The following ANKRD12 variants were observed in gnomAD, a reference collection of about 807,000 sequenced individuals.
The protein encoded by ANKRD12 is ankyrin repeat domain-containing protein 12.
Under a neutral mutation model 183.4 loss-of-function variants are expected in ANKRD12, and 85 were observed. The observed-to-expected ratio is 0.46, with a 90% CI of 0.39 to 0.56. ANKRD12 has a LOEUF of 0.56. ANKRD12 is among the 20% of genes least tolerant of loss of function. ANKRD12 has a pLI of 0.00. For missense variants in ANKRD12, 2,405 were observed against 2,357.1 expected (o/e 1.02, Z -0.42); for synonymous variants, 914 against 800.2 (o/e 1.14, Z -2.40).
intron 1 of ANKRD12, among the ~76,000 whole-genome samples, chr18:9,176,459 T>G (rs2033275566): frequency 6.6e-6 from 1 of 151,966 alleles, no homozygotes; most frequent in Non-Finnish European, 1.5e-5. Flanking sequence ...GCCAGCTAAT[T>G]TTTTAATTTT....
intron 10 of ANKRD12, among the ~76,000 whole-genome samples, chr18:9,268,412 G>A (rs1287610527): frequency 6.6e-6 from 1 of 152,162 alleles, no homozygotes; most frequent in African/African-American, 2.4e-5. Flanking sequence ...ACATCAAGAA[G>A]CTTATCCACC....
At chr18:9,279,079 TGATAAAG>T (rs1465196278) in intron 11 of ANKRD12, among the ~76,000 whole-genome samples, 1 of 150,122 alleles carries the variant, frequency 6.7e-6, no homozygotes, top group Non-Finnish European at 1.5e-5. Flanking sequence ...TCTTAAGTGT[TGATAAAG>T]AATTTCTTCA....
chr18:9,201,791 A>AT (rs1276570541), intron 3 of ANKRD12, among the ~76,000 whole-genome samples: 2 of 150,220 alleles, frequency 1.3e-5, no homozygotes, highest in Non-Finnish European at 3.0e-5. Flanking sequence ...TCCTCTTAGC[A>AT]TTATTAGTAA....
At chr18:9,231,549 C>T (rs964788897) in intron 8 of ANKRD12, among the ~76,000 whole-genome samples, 8 of 151,500 alleles carry the variant, frequency 5.3e-5, no homozygotes, top group Admixed American at 3.9e-4. Flanking sequence ...TTATCCGTGC[C>T]GGGCGCGGTG....
intron 10 of ANKRD12, among the ~76,000 whole-genome samples, chr18:9,265,992 G>A (rs552251110): frequency 5.9e-5 from 9 of 152,330 alleles, no homozygotes; most frequent in African/African-American, 1.4e-4. Context: ...TTCAGTAGCC[G>A]ATTTGATCAG....
chr18:9,206,712 T>G (rs2035506198), intron 4 of ANKRD12, among the ~76,000 whole-genome samples: 1 of 152,118 alleles, frequency 6.6e-6, no homozygotes, highest in Non-Finnish European at 1.5e-5. Flanking sequence ...TGTTTCTTTC[T>G]TTCCAAAATA....
chr18:9,211,940 CCT>C (rs1363413571), intron 6 of ANKRD12, among the ~76,000 whole-genome samples, 156 bp downstream of exon 6: 1 of 151,938 alleles, frequency 6.6e-6, no homozygotes, highest in Non-Finnish European at 1.5e-5. Context: ...ACATAAAACC[CCT>C]GATTTCTACT....
chr18:9,171,656 A>G (rs2032739382), intron 1 of ANKRD12, among the ~76,000 whole-genome samples: 1 of 152,128 alleles, frequency 6.6e-6, no homozygotes, highest in African/African-American at 2.4e-5. Flanking sequence ...CTTGTTTGAA[A>G]AGAATCTTAT....
intron 1 of ANKRD12, among the ~76,000 whole-genome samples, chr18:9,169,022 G>A (rs1464261065): frequency 6.6e-6 from 1 of 152,076 alleles, no homozygotes; most frequent in African/African-American, 2.4e-5. Flanking sequence ...CCATGTAGCT[G>A]AGTGGTTTTG....
intron 4 of ANKRD12, among the ~76,000 whole-genome samples, chr18:9,207,340 A>T (rs2035544231): frequency 6.6e-6 from 1 of 152,124 alleles, no homozygotes; most frequent in African/African-American, 2.4e-5. Context: ...GTTGATTTAA[A>T]TAAGTCTTGA....
chr18:9,256,621 TAAAATA>T lies in ANKRD12; in HGVS notation c.3358_3363del (p.Ile1120_Lys1121del). The T allele has an allele frequency of 1.9e-6, 3 of 1,604,450 alleles. No individual in the cohort carries two copies. In the South Asian group the frequency reaches 3.4e-5, roughly 18 times the overall value. On this transcript the variant is annotated inframe_deletion, in exon 9 of 13. Transcript: ENST00000262126. The stretch of plus-strand genomic sequence containing the variant: ...TGAGAAACCGAAACTGTTTAGAACT[TAAAATA>T]AAAGATAAAGAAAAAACAAAGCATA...
chr18:9,277,977 A>C (rs1048755308), intron 11 of ANKRD12, among the ~76,000 whole-genome samples: 4 of 152,242 alleles, frequency 2.6e-5, no homozygotes, highest in Non-Finnish European at 5.9e-5. Flanking sequence ...AAGCTTGCTG[A>C]GATCCTTTTG....
At chr18:9,268,379 A>G (rs1312906034) in intron 10 of ANKRD12, among the ~76,000 whole-genome samples, 6 of 152,350 alleles carry the variant, frequency 3.9e-5, no homozygotes, top group Non-Finnish European at 8.8e-5. Context: ...TCAATAAAAT[A>G]CTGGCAAACC....
Position 9,256,799 on chromosome 18 carries a change from T to G in ANKRD12, c.3532T>G (p.Ser1178Ala), listed in dbSNP as rs1353650699. The change falls in exon 9 of 13, where the codon TCA becomes GCA. Residue 1178 changes from serine to alanine, a missense_variant. Ser to Ala is a moderately conservative substitution (Grantham distance 99). This residue lies in a region of ANKRD12 where 1,983 missense variants were observed against 1,725.9 expected (regional missense o/e 1.15). Transcript: ENST00000262126. ...DTKNVMTLGK[S>A]SFVSDNSLNR... ...CAAAAATGTAATGACTTTAGGGAAGTCATCTTTTGTTTCAGATAATAGCTT... is the reference window on the plus strand; with the variant it reads ...CAAAAATGTAATGACTTTAGGGAAGGCATCTTTTGTTTCAGATAATAGCTT... The G allele has an allele frequency of 5.6e-6, 9 of 1,613,966 alleles. No homozygotes were observed. Among genetic ancestry groups the G allele is most frequent in the Non-Finnish European group, 6.8e-6 (8 of 1,179,942 alleles).
At chr18:9,156,404 C>G (rs2030473521) in intron 1 of ANKRD12, among the ~76,000 whole-genome samples, 1 of 151,778 alleles carries the variant, frequency 6.6e-6, no homozygotes, top group South Asian at 2.1e-4. Flanking sequence ...AGTATTGATA[C>G]AAGAATGGAA....
intron 8 of ANKRD12, among the ~76,000 whole-genome samples, chr18:9,228,482 GTTA>G (rs1226766882): frequency 1.3e-5 from 2 of 152,104 alleles, no homozygotes; most frequent in Non-Finnish European, 2.9e-5. Context: ...GCCAGTAACT[GTTA>G]TTTTTTGTCT....
intron 1 of ANKRD12, among the ~76,000 whole-genome samples, chr18:9,157,563 G>A (rs12968579): frequency 5.6e-4 from 52 of 92,818 alleles, no homozygotes; most frequent in South Asian, 8.3e-4. Flanking sequence ...GTGTGTGTGT[G>A]TGTGTGTGTG....
intron 8 of ANKRD12, among the ~76,000 whole-genome samples, chr18:9,241,815 G>A (rs1598662219): frequency 6.6e-6 from 1 of 151,128 alleles, no homozygotes; most frequent in East Asian, 1.9e-4. Context: ...TCTGTCTTAA[G>A]CAAACAGAAC....
intron 2 of ANKRD12, among the ~76,000 whole-genome samples, chr18:9,185,068 C>G (rs2033954509): frequency 6.6e-6 from 1 of 152,038 alleles, no homozygotes; most frequent in African/African-American, 2.4e-5. Context: ...CGTATTTGAC[C>G]AGAAGGAAAG....
Sources: allele counts gnomAD v4.1 joint callset (sites outside exome capture counted in the v4.1 genomes callset), GRCh38; gene constraint gnomAD v4.1.1; regional missense constraint gnomAD v4.1.1; transcripts MANE v1.5; gene names NCBI Gene and HGNC (gene_info 2026-07-23, HGNC 2026-07-21).